The following IGSF5 variants were observed in gnomAD, a reference collection of about 807,000 sequenced individuals.
The protein encoded by IGSF5 is immunoglobulin superfamily member 5, also known as immunoglobulin superfamily 5 like.
Under a neutral mutation model 39.4 loss-of-function variants are expected in IGSF5, and 41 were observed. That is an observed-to-expected ratio of 1.04 (90% CI 0.81 to 1.35). The LOEUF is 1.35. IGSF5 is among the 40% of genes most tolerant of loss of function. The pLI, the probability that IGSF5 is intolerant of heterozygous loss-of-function variation, is 0.00. For synonymous variants in IGSF5, 183 were observed against 175.3 expected (o/e 1.04, Z -0.34); for missense variants, 487 against 494.6 (o/e 0.98, Z 0.15).
chr21:39,777,475 T>C (rs1206501629), intron 4 of IGSF5, among the ~76,000 whole-genome samples: 1 of 152,154 alleles, frequency 6.6e-6, no homozygotes, highest in Admixed American at 6.5e-5. Context: ...AGGGGATAAA[T>C]GTGCTCTCTG....
the IGSF5 span, among the ~76,000 whole-genome samples, chr21:39,715,006 T>TCTTC: frequency 0.082 from 12,387 of 151,330 alleles, 1,013 homozygotes; most frequent in East Asian, 0.21. Context: ...GGGCCAGGAC[T>TCTTC]CTTCCTTCCT....
the IGSF5 span, among the ~76,000 whole-genome samples, chr21:39,711,826 C>A: frequency 6.6e-6 from 1 of 152,170 alleles, no homozygotes; most frequent in Non-Finnish European, 1.5e-5. Context: ...AGCCACTGCA[C>A]CCCACCAGAA....
chr21:39,779,309 AT>A lies in IGSF5; in HGVS notation c.934+11del. 6.2e-7 allele frequency: 1 copy of A among 1,610,622 alleles called. No individual in the cohort carries two copies. Among genetic ancestry groups the A allele is most frequent in the South Asian group, 1.1e-5 (1 of 90,894 alleles). ...TTCTGCTGTAGAAGAAAAAGAGGTA[AT>A]TTTTTTGTTCATTTACATTTGTACA... is the stretch of plus-strand genomic sequence containing the variant. On this transcript the variant is annotated splice_donor_5th_base_variant and intron_variant, in intron 5 of 8. Transcript: ENST00000380588.
chr21:39,772,145 G>A (rs142138915), intron 4 of IGSF5, among the ~76,000 whole-genome samples: 4 of 152,346 alleles, frequency 2.6e-5, no homozygotes, highest in African/African-American at 9.6e-5. Context: ...ACTATTCTGA[G>A]CACTTCTCAG....
chr21:39,766,698 CA>C (rs1271071362), intron 3 of IGSF5, among the ~76,000 whole-genome samples: 2 of 152,070 alleles, frequency 1.3e-5, no homozygotes, highest in Admixed American at 1.3e-4. Context: ...GGATGCTTTA[CA>C]AAGATTTGGA....
At chr21:39,712,048 A>C in the IGSF5 span, among the ~76,000 whole-genome samples, 1 of 152,166 alleles carries the variant, frequency 6.6e-6, no homozygotes, top group Non-Finnish European at 1.5e-5. Flanking sequence ...AGCCACTGGG[A>C]GCAATCATAA....
intron 8 of IGSF5, among the ~76,000 whole-genome samples, chr21:39,796,473 A>G (rs1169949857): frequency 6.6e-6 from 1 of 152,250 alleles, no homozygotes; most frequent in Non-Finnish European, 1.5e-5. Flanking sequence ...CCATTCTGCA[A>G]TAAGCCTTAG....
At chr21:39,746,323 G>T (rs962227007) in intron 2 of IGSF5, 25 bp downstream of exon 2, 1 of 700,242 alleles carries the variant, frequency 1.4e-6, no homozygotes, top group Non-Finnish European at 2.6e-6. Flanking sequence ...AGCTCGAGCC[G>T]TAACAAACAC....
chr21:39,782,378 T>C (rs2080175316), intron 5 of IGSF5, among the ~76,000 whole-genome samples: 1 of 152,218 alleles, frequency 6.6e-6, no homozygotes, highest in South Asian at 2.1e-4. Flanking sequence ...AAATTTTCCA[T>C]TTTAACCATT....
intron 2 of IGSF5, chr21:39,751,064 G>A (rs2080003340): frequency 6.5e-6 from 1 of 153,110 alleles, no homozygotes; most frequent in Admixed American, 6.5e-5. Context: ...GGAGCTTGGT[G>A]ATGATTAATG....
chr21:39,791,159 T>G (rs1468790718), intron 6 of IGSF5, among the ~76,000 whole-genome samples: 1 of 152,122 alleles, frequency 6.6e-6, no homozygotes, highest in Non-Finnish European at 1.5e-5. Flanking sequence ...CCAAAGAAGG[T>G]GTACAGGCTT....
intron 2 of IGSF5, among the ~76,000 whole-genome samples, chr21:39,758,502 C>G (rs2146275658): frequency 6.6e-6 from 1 of 152,304 alleles, no homozygotes; most frequent in African/African-American, 2.4e-5. Flanking sequence ...GAAATCACCT[C>G]CTCCCTGAAG....
At chr21:39,782,046 CA>C (rs2080173438) in intron 5 of IGSF5, among the ~76,000 whole-genome samples, 1 of 152,170 alleles carries the variant, frequency 6.6e-6, no homozygotes, top group South Asian at 2.1e-4. Flanking sequence ...TATCTTCTTC[CA>C]AATAACTAAG....
intron 2 of IGSF5, among the ~76,000 whole-genome samples, chr21:39,753,741 CTT>C (rs34544193): frequency 3.0e-4 from 45 of 150,176 alleles, no homozygotes; most frequent in African/African-American, 6.1e-4. Flanking sequence ...CCTTCTTTGT[CTT>C]TTTTTTTTTA....
intron 5 of IGSF5, among the ~76,000 whole-genome samples, chr21:39,781,777 A>G (rs1159855598): frequency 6.6e-6 from 1 of 152,164 alleles, no homozygotes; most frequent in Non-Finnish European, 1.5e-5. Flanking sequence ...AACAATTTTT[A>G]TATGTTTTTA....
At position 39,765,821 on chromosome 21, in the gene IGSF5, C is replaced by T; in HGVS notation, c.387C>T (p.Arg129=). ...TCAGATGCAGCCTCCAGAACAGTCG[C>T]CTGCATGGATCTGCTTACCTTACCG... The part of the protein sequence containing the change: ...GNIRCSLQNS[R]LHGSAYLTVQ... The change falls in exon 3 of 9, where the codon CGC becomes CGT. Residue 129 remains arginine, a synonymous_variant. Coordinates refer to ENST00000380588, the MANE Select transcript of IGSF5 (RefSeq NM_001080444.2). 1.9e-6 allele frequency: 3 copies of T among 1,613,758 alleles called. No individual in the cohort carries two copies. The highest frequency in any genetic ancestry group is 2.5e-6 in the Non-Finnish European group (3 of 1,179,772).
intron 2 of IGSF5, among the ~76,000 whole-genome samples, chr21:39,752,933 C>T (rs1602366289): frequency 1.3e-5 from 2 of 151,930 alleles, no homozygotes; most frequent in South Asian, 2.1e-4. Context: ...GCAAATATTT[C>T]CCCCCACTCT....
intron 4 of IGSF5, among the ~76,000 whole-genome samples, chr21:39,773,126 C>T (rs1447368751): frequency 6.6e-6 from 1 of 152,168 alleles, no homozygotes; most frequent in Non-Finnish European, 1.5e-5. Flanking sequence ...TCTCCCTCCT[C>T]CCACCCTCCA....
chr21:39,713,236 C>T, the IGSF5 span, among the ~76,000 whole-genome samples: 3 of 152,132 alleles, frequency 2.0e-5, no homozygotes, highest in Non-Finnish European at 2.9e-5. Context: ...GGGAGAGTGT[C>T]TCGGACACCT....
Sources: gnomAD v4.1 joint callset for allele counts (sites outside exome capture counted in the v4.1 genomes callset) on GRCh38, gnomAD v4.1.1 for gene constraint, MANE v1.5 for transcripts, NCBI Gene and HGNC (gene_info 2026-07-23, HGNC 2026-07-21) for gene names.